SLC11A2: variants seen among roughly 807,000 people sequenced by gnomAD.
SLC11A2 encodes the protein solute carrier family 11 member 2, also known as natural resistance-associated macrophage protein 2.
Under a neutral mutation model 68.0 loss-of-function variants are expected in SLC11A2, and 38 were observed. That is an observed-to-expected ratio of 0.56 (90% CI 0.43 to 0.73). SLC11A2 has a LOEUF of 0.73. SLC11A2 is among the 30% of genes least tolerant of loss of function. SLC11A2 has a pLI of 0.00. For synonymous variants in SLC11A2, 242 were observed against 250.6 expected (o/e 0.97, Z 0.32); for missense variants, 517 against 690.5 (o/e 0.75, Z 2.82).
chr12:51,004,956 T>C (rs1292567542), intron 4 of SLC11A2, 49 bp from the exon 5 acceptor site: 14 of 1,607,672 alleles, frequency 8.7e-6, no homozygotes, highest in Non-Finnish European at 1.2e-5. Flanking sequence ...ACTGAGTTTT[T>C]GTCTGTTTGT....
chr12:50,996,215 T>G (rs1312412917), intron 9 of SLC11A2, among the ~76,000 whole-genome samples: 1 of 152,202 alleles, frequency 6.6e-6, no homozygotes, highest in Non-Finnish European at 1.5e-5. Context: ...CTGACCTCCA[T>G]AAGGCCACTC....
chr12:50,986,314 C>T lies in SLC11A2; in HGVS notation c.*2011G>A. On this transcript the variant is annotated 3_prime_UTR_variant, in exon 16 of 16. Coordinates refer to ENST00000262052, the MANE Select transcript of SLC11A2 (RefSeq NM_000617.3). ...CATATTATTTATTGCACCCAGAGTA[C>T]TGGTTAAAATGCACTTTCTGTGAAG... 7.8e-7 allele frequency: 1 copy of T among 1,286,324 alleles called. No homozygotes were observed. The highest frequency in any genetic ancestry group is 1.2e-5 in the South Asian group (1 of 80,926). The allele number at this position is 1,286,324 out of a possible 1,614,324, so 79.7% of individuals were successfully genotyped here.
chr12:51,023,966 G>C (rs1302771237), intron 1 of SLC11A2, among the ~76,000 whole-genome samples: 1 of 152,092 alleles, frequency 6.6e-6, no homozygotes, highest in Non-Finnish European at 1.5e-5. Flanking sequence ...ACTCCAACCT[G>C]GGTTACAGAG....
downstream of SLC11A2, among the ~76,000 whole-genome samples, chr12:50,978,913 C>T (rs1188294428): frequency 1.3e-5 from 2 of 152,186 alleles, no homozygotes; most frequent in African/African-American, 4.8e-5. Flanking sequence ...TACCTGGATA[C>T]ACTCACCTGC....
chr12:51,006,903 AATTTT>A (rs201437152), intron 3 of SLC11A2, among the ~76,000 whole-genome samples: 9,948 of 151,668 alleles, frequency 0.066, 449 homozygotes, highest in Non-Finnish European at 0.1. Flanking sequence ...ACACCCAACT[AATTTT>A]ATTTTATTTT....
the SLC11A2 span, chr12:50,970,616 T>C: frequency 1.5e-6 from 1 of 664,816 alleles, no homozygotes; most frequent in Non-Finnish European, 2.6e-6. Flanking sequence ...CACAGAATGC[T>C]CATAGCCTTT....
At chr12:51,008,302 G>GGT (rs532914132) in intron 3 of SLC11A2, 174 bp downstream of exon 3, 60,432 of 515,564 alleles carry the variant, frequency 0.12, 1,535 homozygotes, top group Middle Eastern at 0.16. Flanking sequence ...ATATAGATGG[G>GGT]GTGTGTGTGT....
At chr12:50,980,735 A>G (rs1043956307), downstream of SLC11A2, 1 of 152,256 alleles carries the variant, frequency 6.6e-6, no homozygotes, top group African/African-American at 2.4e-5. Flanking sequence ...GGCCACTCCT[A>G]GAAATAGACT....
chr12:51,005,675 A>G (rs1942657766), intron 3 of SLC11A2: 6 of 1,341,816 alleles, frequency 4.5e-6, no homozygotes, highest in Non-Finnish European at 5.9e-6. Flanking sequence ...TCAGCCTCTT[A>G]TTCTAAAACC....
At chr12:50,953,579 G>A in the SLC11A2 span, among the ~76,000 whole-genome samples, 1 of 152,202 alleles carries the variant, frequency 6.6e-6, no homozygotes, top group African/African-American at 2.4e-5. Flanking sequence ...AAATCTGGAA[G>A]TATTTTTGCC....
intron 1 of SLC11A2, chr12:51,024,385 A>G (rs1428422133): frequency 6.6e-6 from 1 of 152,266 alleles, no homozygotes; most frequent in Non-Finnish European, 1.5e-5. Context: ...ATGAAAGTCA[A>G]ACAAGAAAGA....
At chr12:50,978,192 C>T (rs1365413918), downstream of SLC11A2, among the ~76,000 whole-genome samples, 1 of 144,588 alleles carries the variant, frequency 6.9e-6, no homozygotes, top group Admixed American at 6.9e-5. Flanking sequence ...CACATGCACA[C>T]GTATGTTTAT....
intron 1 of SLC11A2, among the ~76,000 whole-genome samples, chr12:51,022,762 T>G (rs1180235588): frequency 6.6e-6 from 1 of 152,190 alleles, no homozygotes; most frequent in Non-Finnish European, 1.5e-5. Flanking sequence ...TTTTAATAAT[T>G]AACTTGTAGC....
chr12:51,009,414 G>A, intron 2 of SLC11A2: 1 of 629,920 alleles, frequency 1.6e-6, no homozygotes, highest in Non-Finnish European at 2.2e-6. Flanking sequence ...TACCCTGCCA[G>A]AAATACACAG....
chr12:50,958,810 A>T, the SLC11A2 span, among the ~76,000 whole-genome samples: 58 of 151,722 alleles, frequency 3.8e-4, no homozygotes, highest in African/African-American at 1.4e-3. Context: ...TGGGGCCAGG[A>T]GTTCAAAGCC....
In SLC11A2 at chr12:51,026,347, C is replaced by A; in HGVS notation, c.-76G>T. 7.8e-7 allele frequency: 1 copy of A among 1,281,258 alleles called. No homozygotes were observed. Among genetic ancestry groups the A allele is most frequent in the Non-Finnish European group, 1.0e-6 (1 of 983,868 alleles). 79.4% of individuals were successfully genotyped at this position (1,281,258 alleles called of 1,614,324 possible). ...GCAACCACCTGACACGCCGCCCCCG[C>A]GCCCAGGGCTCCATATTCCGGGAGC... On this transcript the variant is annotated 5_prime_UTR_variant, in exon 1 of 16. Coordinates refer to ENST00000262052, the MANE Select transcript of SLC11A2 (RefSeq NM_000617.3).
the SLC11A2 span, among the ~76,000 whole-genome samples, chr12:50,958,928 A>G: frequency 1.3e-5 from 2 of 151,532 alleles, no homozygotes; most frequent in Admixed American, 1.3e-4. Context: ...GAGGCACGAG[A>G]ATCACTTAAA....
intron 11 of SLC11A2, among the ~76,000 whole-genome samples, chr12:50,993,352 C>A (rs758566755): frequency 1.9e-4 from 29 of 152,102 alleles, no homozygotes; most frequent in Non-Finnish European, 3.4e-4. Context: ...CACAATGTAA[C>A]CAGCATAAAA....
the SLC11A2 span, among the ~76,000 whole-genome samples, chr12:50,970,110 A>G: frequency 6.6e-6 from 1 of 152,162 alleles, no homozygotes; most frequent in African/African-American, 2.4e-5. Context: ...ACAAGTAGAG[A>G]CTGAATAAAT....
Sources: gnomAD v4.1 joint callset for allele counts (sites outside exome capture counted in the v4.1 genomes callset) on GRCh38, gnomAD v4.1.1 for gene constraint, MANE v1.5 for transcripts, NCBI Gene and HGNC (gene_info 2026-07-23, HGNC 2026-07-21) for gene names.